SPIDR: variants seen among roughly 807,000 people sequenced by gnomAD.
SPIDR encodes scaffold protein involved in DNA repair.
A neutral mutation model predicts 104.6 loss-of-function variants in SPIDR; 93 were observed. That is an observed-to-expected ratio of 0.89 (90% CI 0.75 to 1.06). The LOEUF is 1.06. Ranked by LOEUF, SPIDR falls within the 50% of genes least tolerant of loss-of-function variation. SPIDR has a pLI of 0.00. For missense variants in SPIDR, 1,154 were observed against 1,111.2 expected (o/e 1.04, Z -0.55); for synonymous variants, 431 against 416.9 (o/e 1.03, Z -0.41).
At chr8:47,610,709 T>G (rs1041559471) in intron 10 of SPIDR, among the ~76,000 whole-genome samples, 1 of 152,218 alleles carries the variant, frequency 6.6e-6, no homozygotes, top group Non-Finnish European at 1.5e-5. Context: ...GTAGAGCAAT[T>G]CTTGGGTTGG....
chr8:47,417,207 C>T (rs2064503934), intron 7 of SPIDR, among the ~76,000 whole-genome samples: 1 of 152,232 alleles, frequency 6.6e-6, no homozygotes. Context: ...GCCACACTGA[C>T]TTCCACAATG....
intron 5 of SPIDR, among the ~76,000 whole-genome samples, chr8:47,297,278 T>C (rs998632354): frequency 3.9e-5 from 6 of 152,196 alleles, no homozygotes; most frequent in Non-Finnish European, 5.9e-5. Flanking sequence ...GGCATTCTTA[T>C]CTTGTTTTTG....
intron 7 of SPIDR, among the ~76,000 whole-genome samples, chr8:47,422,976 G>A (rs1004905345): frequency 1.3e-5 from 2 of 152,074 alleles, no homozygotes; most frequent in Non-Finnish European, 2.9e-5. Flanking sequence ...AAGATTCTTT[G>A]TGATACACTG....
intron 10 of SPIDR, among the ~76,000 whole-genome samples, chr8:47,655,834 T>C (rs1255937827): frequency 6.6e-6 from 1 of 152,224 alleles, no homozygotes; most frequent in East Asian, 1.9e-4. Flanking sequence ...GCCTAGGTTT[T>C]CTTCTCGGGT....
At chr8:47,702,431 A>G (rs1453301890) in intron 14 of SPIDR, among the ~76,000 whole-genome samples, 4 of 152,150 alleles carry the variant, frequency 2.6e-5, no homozygotes, top group Admixed American at 2.6e-4. Flanking sequence ...TAGAAGTGGG[A>G]ATCTCAGGAT....
intron 8 of SPIDR, among the ~76,000 whole-genome samples, chr8:47,446,876 T>C (rs906322507): frequency 5.9e-5 from 9 of 152,222 alleles, no homozygotes; most frequent in Admixed American, 1.3e-4. Flanking sequence ...TGAACTACCA[T>C]GTCCAGCCAC....
At chr8:47,489,157 CA>C (rs1319186079) in intron 8 of SPIDR, among the ~76,000 whole-genome samples, 6 of 152,218 alleles carry the variant, frequency 3.9e-5, no homozygotes, top group Non-Finnish European at 8.8e-5. Flanking sequence ...AGCAAAGTCT[CA>C]AGATACAAAA....
chr8:47,392,014 GAAAGA>G (rs1346851718), intron 5 of SPIDR, among the ~76,000 whole-genome samples: 63 of 140,834 alleles, frequency 4.5e-4, no homozygotes, highest in Non-Finnish European at 7.7e-4. Flanking sequence ...AAAAAAAAAA[GAAAGA>G]AAAGAAAAGA....
intron 19 of SPIDR, chr8:47,732,300 GCA>G: frequency 1.5e-6 from 1 of 668,078 alleles, no homozygotes; most frequent in Middle Eastern, 2.4e-4. Flanking sequence ...GCACGTGTGT[GCA>G]CATTTATGCA....
At chr8:47,504,475 T>C (rs1375638928) in intron 8 of SPIDR, among the ~76,000 whole-genome samples, 1 of 152,236 alleles carries the variant, frequency 6.6e-6, no homozygotes, top group Non-Finnish European at 1.5e-5. Flanking sequence ...TGCCTTGGTT[T>C]TCAGCTCCAT....
chr8:47,407,894 G>C lies in SPIDR; in HGVS notation c.810G>C (p.Gln270His). Reference protein sequence around the residue: ...GGLAERLNGLQNRERSAISLW... With the variant: ...GGLAERLNGLHNRERSAISLW... ...TAGCAGAAAGACTAAATGGACTGCA[G>C]AATCGAGAGAGATCTGCTATTTCTT... The change falls in exon 7 of 20, where the codon CAG becomes CAC. Residue 270 changes from glutamine (Q) to histidine (H), a missense_variant. Gln to His is a conservative substitution (Grantham distance 24). Coordinates refer to ENST00000297423, the MANE Select transcript of SPIDR (RefSeq NM_001080394.4). 3 of 1,604,876 alleles carry C rather than the reference G, an allele frequency of 1.9e-6. No individual in the cohort carries two copies. Among genetic ancestry groups the C allele is most frequent in the Non-Finnish European group, 2.6e-6 (3 of 1,174,050 alleles).
intron 4 of SPIDR, among the ~76,000 whole-genome samples, chr8:47,292,750 T>G (rs1185936194): frequency 1.3e-5 from 2 of 152,172 alleles, no homozygotes; most frequent in Non-Finnish European, 2.9e-5. Flanking sequence ...TGCATCACAT[T>G]GCAATATGTA....
At chr8:47,407,511 A>G (rs782092964) in intron 6 of SPIDR, among the ~76,000 whole-genome samples, 18 of 152,194 alleles carry the variant, frequency 1.2e-4, no homozygotes, top group Admixed American at 6.5e-4. Flanking sequence ...GTGCCAGCAT[A>G]TAGCAGGTGG....
At chr8:47,372,841 T>C (rs947883729) in intron 5 of SPIDR, among the ~76,000 whole-genome samples, 1 of 152,132 alleles carries the variant, frequency 6.6e-6, no homozygotes, top group South Asian at 2.1e-4. Flanking sequence ...ACATTGTACC[T>C]GATAGGTATT....
intron 3 of SPIDR, among the ~76,000 whole-genome samples, chr8:47,287,617 A>G (rs1022272168): frequency 6.6e-6 from 1 of 152,148 alleles, no homozygotes; most frequent in Non-Finnish European, 1.5e-5. Context: ...GAATTTAGCA[A>G]TATCTTCCCT....
intron 8 of SPIDR, among the ~76,000 whole-genome samples, chr8:47,441,373 A>G (rs1327573790): frequency 6.6e-6 from 1 of 152,152 alleles, no homozygotes; most frequent in Non-Finnish European, 1.5e-5. Context: ...TATTTCTCTT[A>G]TATAAAATGG....
intron 8 of SPIDR, among the ~76,000 whole-genome samples, chr8:47,471,604 A>G (rs142087353): frequency 6.6e-6 from 1 of 152,308 alleles, no homozygotes; most frequent in East Asian, 1.9e-4. Context: ...CAGTTCGGGA[A>G]ATGAAAGTGT....
intron 8 of SPIDR, among the ~76,000 whole-genome samples, chr8:47,446,179 G>T (rs782718904): frequency 1.3e-5 from 2 of 152,150 alleles, no homozygotes; most frequent in Non-Finnish European, 2.9e-5. Flanking sequence ...CCAAGGACAG[G>T]CTGACTCTTT....
chr8:47,467,456 A>T (rs1554718252), intron 8 of SPIDR, among the ~76,000 whole-genome samples: 1 of 152,190 alleles, frequency 6.6e-6, no homozygotes, highest in Non-Finnish European at 1.5e-5. Flanking sequence ...CAATGCAAAA[A>T]TCCTAAACAA....
Sources: allele counts gnomAD v4.1 joint callset (sites outside exome capture counted in the v4.1 genomes callset), GRCh38; gene constraint gnomAD v4.1.1; transcripts MANE v1.5; gene names NCBI Gene and HGNC (gene_info 2026-07-23, HGNC 2026-07-21).